EPB41L2: variants seen among roughly 807,000 people sequenced by gnomAD.
EPB41L2 encodes the protein band 4.1-like protein 2.
Under a neutral mutation model 113.0 loss-of-function variants are expected in EPB41L2, and 43 were observed. The ratio of observed to expected loss-of-function variants is 0.38; its 90% CI spans 0.30 to 0.49. The LOEUF (loss-of-function observed/expected upper bound fraction) is 0.49, where lower values mean the gene tolerates loss of function less well. Ranked by LOEUF, EPB41L2 falls within the 20% of genes least tolerant of loss-of-function variation. The pLI, the probability that EPB41L2 is intolerant of heterozygous loss-of-function variation, is 0.95. For missense variants in EPB41L2, 1,147 were observed against 1,223.4 expected, an observed-to-expected ratio of 0.94 and a Z score of 0.93; for synonymous variants, 442 against 436.7, an observed-to-expected ratio of 1.01 and a Z score of -0.15.
At chr6:131,053,434 T>TAAAA (rs71030727) in intron 1 of EPB41L2, among the ~76,000 whole-genome samples, 122 of 88,808 alleles carry the variant, frequency 1.4e-3, no homozygotes, top group African/African-American at 1.6e-3. Context: ...ATGGAAATGA[T>TAAAA]AAAAAAAAAA....
At chr6:130,947,931 T>C (rs1251488939) in intron 3 of EPB41L2, among the ~76,000 whole-genome samples, 1 of 152,232 alleles carries the variant, frequency 6.6e-6, no homozygotes, top group Non-Finnish European at 1.5e-5. Context: ...TATGTTGAGA[T>C]GTAAAGTCAC....
chr6:130,848,086 T>G (rs2128403308), intron 19 of EPB41L2, among the ~76,000 whole-genome samples: 1 of 152,260 alleles, frequency 6.6e-6, no homozygotes, highest in East Asian at 1.9e-4. Context: ...ACTTTTTATC[T>G]GAGGGAACAT....
At chr6:130,889,276 C>T (rs1047663764) in intron 11 of EPB41L2, among the ~76,000 whole-genome samples, 41 of 151,816 alleles carry the variant, frequency 2.7e-4, no homozygotes, top group African/African-American at 9.6e-4. Context: ...AAGAATATTC[C>T]TTCACAAGGC....
intron 15 of EPB41L2, 71 bp from the exon 16 acceptor site, chr6:130,867,652 C>A (rs1472674684): frequency 6.5e-7 from 1 of 1,549,324 alleles, no homozygotes. Context: ...GGAACCTTCA[C>A]AAATAATAGT....
chr6:130,904,087 A>G (rs533534900), intron 6 of EPB41L2, among the ~76,000 whole-genome samples: 1 of 152,204 alleles, frequency 6.6e-6, no homozygotes, highest in Non-Finnish European at 1.5e-5. Flanking sequence ...TGCTAACCTC[A>G]TATCATCTTT....
chr6:130,988,788 C>T (rs1049903745), intron 1 of EPB41L2, among the ~76,000 whole-genome samples: 58 of 152,112 alleles, frequency 3.8e-4, no homozygotes, highest in African/African-American at 1.4e-3. Context: ...AAGATAAGTG[C>T]TAAGAATGAA....
intron 18 of EPB41L2, among the ~76,000 whole-genome samples, chr6:130,862,786 A>T (rs911528079): frequency 6.6e-6 from 1 of 152,194 alleles, no homozygotes; most frequent in Non-Finnish European, 1.5e-5. Flanking sequence ...GCCTTTCTCA[A>T]ATGAGGAATT....
intron 1 of EPB41L2, among the ~76,000 whole-genome samples, chr6:131,004,050 T>C (rs774668822): frequency 9.2e-5 from 14 of 152,242 alleles, no homozygotes; most frequent in Non-Finnish European, 1.5e-4. Context: ...GGATCATCCT[T>C]GGAAGGCCAA....
intron 1 of EPB41L2, among the ~76,000 whole-genome samples, chr6:130,974,671 G>A (rs531163724): frequency 6.8e-6 from 1 of 146,340 alleles, no homozygotes; most frequent in Non-Finnish European, 1.5e-5. Context: ...TGCCCTCAAA[G>A]CCAATAGACT....
rs369826436 is a variant in EPB41L2 at position 130,864,595 on chromosome 6, G to A, written c.2830-877C>T. 1.1e-3 allele frequency among the ~76,000 whole-genome samples: 173 copies of A among 152,236 alleles called. 2 individuals carry two copies. The South Asian group carries it at 0.031, about 28-fold the overall frequency. On this transcript the variant is annotated intron_variant, in intron 17 of 19. Coordinates refer to ENST00000337057, the MANE Select transcript of EPB41L2 (RefSeq NM_001431.4). ...AACAGTCAATAAGCAAATACCACAC[G>A]GTCCTGGGAAAGCGCACATCCAACA...
In EPB41L2 at chr6:131,009,291, C is replaced by T. The variant is rs117834790; in HGVS notation, c.-14-52792G>A. ...TCTCCTGCTGCCCTGTGAAGAGCTG[C>T]CTTCCACCATGATTGTAAGCTTCCT... On this transcript the variant is annotated intron_variant, in intron 1 of 19. Transcript: ENST00000337057. Among the ~76,000 whole-genome samples the T allele has an allele frequency of 8.6e-3, 1,309 of 152,260 alleles. 10 individuals are homozygous for T. The highest frequency in any genetic ancestry group is 0.021 in the South Asian group (103 of 4,822).
intron 1 of EPB41L2, among the ~76,000 whole-genome samples, chr6:130,991,633 G>A (rs569226166): frequency 2.6e-5 from 4 of 151,766 alleles, no homozygotes; most frequent in East Asian, 1.9e-4. Flanking sequence ...TTTTTTTACC[G>A]TTCAGCTCTG....
chr6:131,004,498 T>C (rs956118850), intron 1 of EPB41L2, among the ~76,000 whole-genome samples: 2 of 152,188 alleles, frequency 1.3e-5, no homozygotes, highest in Non-Finnish European at 2.9e-5. Flanking sequence ...TCAATTAACC[T>C]ATTAACACAC....
intron 18 of EPB41L2, among the ~76,000 whole-genome samples, chr6:130,859,276 C>T (rs1781259461): frequency 6.6e-6 from 1 of 152,140 alleles, no homozygotes; most frequent in Admixed American, 6.5e-5. Flanking sequence ...AATCCCAGCA[C>T]TTTGGGACGC....
In EPB41L2 at chr6:130,931,833, T is replaced by C. The variant is rs552075965; in HGVS notation, c.706-5124A>G. 2.0e-5 allele frequency among the ~76,000 whole-genome samples: 3 copies of C among 152,252 alleles called. No homozygotes were observed. In the East Asian group the frequency reaches 5.8e-4, roughly 29 times the overall value. On this transcript the variant is annotated intron_variant, in intron 3 of 19. Coordinates refer to ENST00000337057, the MANE Select transcript of EPB41L2 (RefSeq NM_001431.4). ...TTCCATCTTTCTTGAGAATCACCAATTCTTAACAATACGGAAGAAAAGTAC... is the reference window on the plus strand; with the variant it reads ...TTCCATCTTTCTTGAGAATCACCAACTCTTAACAATACGGAAGAAAAGTAC...
chr6:131,044,843 T>C (rs1031965125), intron 1 of EPB41L2, among the ~76,000 whole-genome samples: 9 of 152,198 alleles, frequency 5.9e-5, no homozygotes, highest in African/African-American at 2.2e-4. Flanking sequence ...AGTTGTGAAA[T>C]TAAGTTTGTG....
At chr6:130,927,492 G>A (rs1805153539) in intron 3 of EPB41L2, among the ~76,000 whole-genome samples, 2 of 152,246 alleles carry the variant, frequency 1.3e-5, no homozygotes, top group Admixed American at 6.5e-5. Context: ...ACCCAACTGT[G>A]AGGTCAGGTC....
rs187112183 is a variant in EPB41L2 at position 130,880,291 on chromosome 6, C to G, written c.1834-85G>C. On this transcript the variant is annotated intron_variant, in intron 12 of 19. Transcript: ENST00000337057. ...GCAAGCACCAAAATGACCCAGAGTT[C>G]GACAGTCTAAGACATTAAAATAAAA... 8 of 897,164 alleles carry G rather than the reference C, an allele frequency of 8.9e-6. 1 individual carries two copies. In the East Asian group the frequency reaches 1.5e-4, roughly 17 times the overall value. 55.6% of individuals were successfully genotyped at this position (897,164 alleles called of 1,614,324 possible). A position where few individuals can be genotyped will look rare whatever the true frequency, so the allele number is the denominator to read the frequency against.
intron 1 of EPB41L2, among the ~76,000 whole-genome samples, chr6:131,005,792 G>A (rs370753919): frequency 1.3e-5 from 2 of 151,864 alleles, no homozygotes; most frequent in Non-Finnish European, 2.9e-5. Flanking sequence ...ACATCCCAAC[G>A]CAGTTCACAA....
Sources: allele counts gnomAD v4.1 joint callset (sites outside exome capture counted in the v4.1 genomes callset), GRCh38; gene constraint gnomAD v4.1.1; transcripts MANE v1.5; gene names NCBI Gene and HGNC (gene_info 2026-07-23, HGNC 2026-07-21).